NEK11: variants seen among roughly 807,000 people sequenced by gnomAD.
The protein encoded by NEK11 is NIMA related kinase 11, also known as serine/threonine-protein kinase Nek11.
Under a neutral mutation model 80.7 loss-of-function variants are expected in NEK11, and 72 were observed. That is an observed-to-expected ratio of 0.89 (90% CI 0.74 to 1.08). The LOEUF (loss-of-function observed/expected upper bound fraction) is 1.08, where lower values mean the gene tolerates loss of function less well. NEK11 is among the 50% of genes least tolerant of loss of function. The probability of loss-of-function intolerance (pLI) is 0.00; values close to 1 mark genes in which losing one functional copy is unlikely to be tolerated. For missense variants in NEK11, 764 were observed against 763.6 expected (o/e 1.00, Z -0.01); for synonymous variants, 251 against 260.7 (o/e 0.96, Z 0.36).
intron 17 of NEK11, among the ~76,000 whole-genome samples, chr3:131,278,956 A>G (rs188617124): frequency 1.4e-4 from 22 of 152,264 alleles, no homozygotes; most frequent in African/African-American, 4.8e-4. Flanking sequence ...TCATATACAC[A>G]TTAAAGTTTG....
intron 14 of NEK11, among the ~76,000 whole-genome samples, chr3:131,210,486 G>C (rs1040540837): frequency 1.3e-5 from 2 of 152,196 alleles, no homozygotes; most frequent in Non-Finnish European, 2.9e-5. Context: ...ATGTCTATTA[G>C]GTCTGCTTGG....
Position 131,152,478 on chromosome 3 carries a change from AG to A in NEK11, c.740del (p.Gly247ValfsTer14), listed in dbSNP as rs751642011. ...FLSIVLKIVEGDTPSLPERYP... is the reference protein window; with the variant it reads ...FLSIVLKIVEXDTPSLPERYP... ...TATCCATTGTTTTAAAAATTGTTGA[AG>A]GTGACACACCTTCTCTCCCTGAGAG... On this transcript the variant is annotated frameshift_variant, in exon 8 of 18. Coordinates refer to ENST00000383366, the MANE Select transcript of NEK11 (RefSeq NM_024800.5). LOFTEE classifies it high-confidence loss of function. The A allele has an allele frequency of 6.2e-7, 1 of 1,613,992 alleles. No individual in the cohort carries two copies. Among genetic ancestry groups the A allele is most frequent in the South Asian group, 1.1e-5 (1 of 91,064 alleles).
chr3:131,177,092 C>T (rs2150125814), intron 14 of NEK11, among the ~76,000 whole-genome samples: 1 of 152,238 alleles, frequency 6.6e-6, no homozygotes, highest in East Asian at 1.9e-4. Flanking sequence ...TATGGTTTTC[C>T]TTTAGTTGAT....
chr3:131,295,493 G>C (rs953818492), intron 17 of NEK11, among the ~76,000 whole-genome samples: 2 of 152,108 alleles, frequency 1.3e-5, no homozygotes, highest in African/African-American at 4.8e-5. Context: ...GAATCATGAA[G>C]GAAAAGTTAG....
intron 17 of NEK11, among the ~76,000 whole-genome samples, chr3:131,324,790 T>G (rs1466559441): frequency 1.3e-5 from 2 of 152,198 alleles, no homozygotes; most frequent in East Asian, 3.9e-4. Context: ...CAGTGCTCAC[T>G]ACTAGACAAC....
At chr3:131,114,409 G>A (rs1462212221) in intron 5 of NEK11, among the ~76,000 whole-genome samples, 3 of 152,208 alleles carry the variant, frequency 2.0e-5, no homozygotes, top group Non-Finnish European at 4.4e-5. Context: ...GTGGCTTACA[G>A]CAGCAATCAT....
chr3:131,102,204 G>T (rs530839272), intron 4 of NEK11, among the ~76,000 whole-genome samples: 41 of 152,234 alleles, frequency 2.7e-4, no homozygotes, highest in Non-Finnish European at 4.7e-4. Context: ...ATTAATATGT[G>T]AGATATTGAT....
chr3:131,259,100 C>G (rs571335425), intron 16 of NEK11, among the ~76,000 whole-genome samples: 12 of 152,272 alleles, frequency 7.9e-5, no homozygotes, highest in Admixed American at 7.2e-4. Context: ...TTCCAAACAT[C>G]ACAGAATCAA....
chr3:131,309,734 T>G (rs1399933563), intron 17 of NEK11, among the ~76,000 whole-genome samples: 3 of 151,434 alleles, frequency 2.0e-5, no homozygotes, highest in Non-Finnish European at 4.4e-5. Context: ...TGTTCAGAAA[T>G]AAGAGGGTAA....
intron 17 of NEK11, among the ~76,000 whole-genome samples, chr3:131,303,037 G>A (rs1034327229): frequency 3.3e-5 from 5 of 152,164 alleles, no homozygotes; most frequent in Admixed American, 6.5e-5. Flanking sequence ...ATATATTTAG[G>A]ATAGTTAGGT....
intron 4 of NEK11, among the ~76,000 whole-genome samples, chr3:131,094,405 G>T (rs1013657106): frequency 6.6e-6 from 1 of 152,056 alleles, no homozygotes; most frequent in Non-Finnish European, 1.5e-5. Flanking sequence ...ACACCTTCCG[G>T]TAACTATTTT....
intron 3 of NEK11, 112 bp from the exon 4 acceptor site, chr3:131,080,311 T>C (rs1426352547): frequency 4.1e-5 from 31 of 747,820 alleles, no homozygotes; most frequent in Non-Finnish European, 6.1e-5. Flanking sequence ...CAATACCAGA[T>C]ATATGAGTAG....
intron 16 of NEK11, among the ~76,000 whole-genome samples, chr3:131,256,018 T>C (rs939548172): frequency 3.9e-5 from 6 of 152,160 alleles, no homozygotes; most frequent in Non-Finnish European, 8.8e-5. Context: ...ATTCTTTGCT[T>C]AAATAAACAG....
intron 3 of NEK11, among the ~76,000 whole-genome samples, chr3:131,074,017 T>A (rs1342683663): frequency 1.3e-5 from 2 of 152,142 alleles, no homozygotes; most frequent in South Asian, 4.1e-4. Flanking sequence ...GAGGTTAATG[T>A]TCTACACTAG....
chr3:131,039,586 A>G (rs527483500), intron 3 of NEK11, among the ~76,000 whole-genome samples: 2 of 152,248 alleles, frequency 1.3e-5, no homozygotes, highest in East Asian at 3.9e-4. Flanking sequence ...TTCCTTTTTG[A>G]CGCATGAATG....
chr3:131,170,502 T>C (rs2092615111), intron 13 of NEK11, among the ~76,000 whole-genome samples: 1 of 152,134 alleles, frequency 6.6e-6, no homozygotes, highest in Non-Finnish European at 1.5e-5. Flanking sequence ...TACCTTCAAT[T>C]GGTACCTTGG....
chr3:131,341,937 G>A lies in NEK11; in HGVS notation c.1719-7620G>A, dbSNP rs986194571. On this transcript the variant is annotated intron_variant, in intron 17 of 17. Transcript: ENST00000383366. Reference sequence around the variant, plus strand: ...CTAGCTGGATTTTGTTTTTTAGTCAGTGAGTCTAGTCCATTTACATTTATT... The same window carrying A: ...CTAGCTGGATTTTGTTTTTTAGTCAATGAGTCTAGTCCATTTACATTTATT... Among the ~76,000 whole-genome samples the A allele has an allele frequency of 2.0e-5, 3 of 152,254 alleles. No individual in the cohort carries two copies. The East Asian group carries it at 5.8e-4, about 29-fold the overall frequency.
intron 3 of NEK11, among the ~76,000 whole-genome samples, chr3:131,068,798 T>C (rs1424578505): frequency 6.6e-6 from 1 of 152,188 alleles, no homozygotes; most frequent in Non-Finnish European, 1.5e-5. Flanking sequence ...ACTTTTTAGG[T>C]GCACAAAAAT....
In NEK11 at chr3:131,263,883, T is replaced by C. The variant is rs1011083148; in HGVS notation, c.1622-9595T>C. Among the ~76,000 whole-genome samples the C allele has an allele frequency of 9.8e-5, 15 of 152,354 alleles. No individual in the cohort carries two copies. The East Asian group carries it at 2.3e-3, about 23-fold the overall frequency. ...ATCCTCTCCAGCACCTGTTGTTTCC[T>C]GACTTTTTAATGATCGCCATTCTAA... On this transcript the variant is annotated intron_variant, in intron 16 of 17. Transcript: ENST00000383366.
Sources: gnomAD v4.1 joint callset for allele counts (sites outside exome capture counted in the v4.1 genomes callset) on GRCh38, gnomAD v4.1.1 for gene constraint, MANE v1.5 for transcripts, NCBI Gene and HGNC (gene_info 2026-07-23, HGNC 2026-07-21) for gene names.